Variants in EML6 observed in about 807,000 individuals in gnomAD.
EML6 encodes the protein echinoderm microtubule-associated protein-like 6.
Under a neutral mutation model 240.1 loss-of-function variants are expected in EML6, and 154 were observed. The observed-to-expected ratio is 0.64, with a 90% CI of 0.56 to 0.73. The LOEUF (loss-of-function observed/expected upper bound fraction) is 0.73, where lower values mean the gene tolerates loss of function less well. Among genes scored for constraint, EML6 ranks in the 30% least tolerant of loss-of-function variants. The probability of loss-of-function intolerance (pLI) is 0.00; values close to 1 mark genes in which losing one functional copy is unlikely to be tolerated. For synonymous variants in EML6, 1,148 were observed against 899.0 expected, an observed-to-expected ratio of 1.28 and a Z score of -4.95; for missense variants, 2,964 against 2,474.6, an observed-to-expected ratio of 1.20 and a Z score of -4.20.
intron 7 of EML6, among the ~76,000 whole-genome samples, chr2:54,840,746 AG>A (rs1669401172): frequency 6.6e-6 from 1 of 152,238 alleles, no homozygotes; most frequent in African/African-American, 2.4e-5. Context: ...TCACTGTGCC[AG>A]GTATTGAGGA....
chr2:54,860,482 A>G (rs1319155905), intron 12 of EML6, among the ~76,000 whole-genome samples: 5 of 152,068 alleles, frequency 3.3e-5, no homozygotes, highest in Non-Finnish European at 7.4e-5. Context: ...TGCAACAGGG[A>G]TTTAGAGGGG....
At chr2:54,726,433 A>G (rs1682911543) in intron 2 of EML6, among the ~76,000 whole-genome samples, 1 of 110,244 alleles carries the variant, frequency 9.1e-6, no homozygotes, top group Non-Finnish European at 1.8e-5. Context: ...TGATGTGCTT[A>G]TATTCCAGAG....
intron 2 of EML6, among the ~76,000 whole-genome samples, chr2:54,751,535 G>T (rs534340521): frequency 6.6e-6 from 1 of 152,268 alleles, no homozygotes; most frequent in Admixed American, 6.5e-5. Flanking sequence ...AGGAAGAGAA[G>T]CTTACAAAAG....
intron 17 of EML6, among the ~76,000 whole-genome samples, chr2:54,889,433 G>A (rs113938736): frequency 2.0e-5 from 3 of 151,298 alleles, no homozygotes; most frequent in African/African-American, 7.3e-5. Flanking sequence ...AAGAACATGG[G>A]ATATAGTTCT....
chr2:54,866,847 G>C lies in EML6; in HGVS notation c.2014G>C (p.Ala672Pro), dbSNP rs1434984416. The change falls in exon 14 of 42, where the codon GCT becomes CCT. Residue 672 changes from alanine (A) to proline (P), a missense_variant. Ala to Pro is a conservative substitution (Grantham distance 27). Coordinates refer to ENST00000356458, the MANE Select transcript of EML6 (RefSeq NM_001039753.4). ...AGTGCCCTTCCTCAAACGAGAAAAG[G>C]CTCCTGAGGACAGCTTGAAACTCCA... ...HAVPFLKREK[A>P]PEDSLKLQFI... 2.6e-6 allele frequency: 4 copies of C among 1,550,974 alleles called. No individual in the cohort carries two copies. The highest frequency in any genetic ancestry group is 1.4e-5 in the African/African-American group (1 of 72,994).
At chr2:54,955,193 A>G (rs1180719024) in intron 32 of EML6, among the ~76,000 whole-genome samples, 1 of 152,250 alleles carries the variant, frequency 6.6e-6, no homozygotes, top group Non-Finnish European at 1.5e-5. Context: ...CTGCACAGTC[A>G]GTATCCCAGG....
chr2:54,738,713 T>C (rs779361075), intron 2 of EML6, among the ~76,000 whole-genome samples: 19 of 152,228 alleles, frequency 1.2e-4, no homozygotes, highest in Non-Finnish European at 2.9e-5. Context: ...GTTGATGAGA[T>C]TCATTTGTGT....
intron 2 of EML6, among the ~76,000 whole-genome samples, chr2:54,775,871 G>C (rs191642455): frequency 6.6e-6 from 1 of 152,232 alleles, no homozygotes; most frequent in African/African-American, 2.4e-5. Flanking sequence ...ATATATTATT[G>C]TTGTAAATAC....
At chr2:54,830,727 A>C (rs1668827638) in intron 7 of EML6, among the ~76,000 whole-genome samples, 1 of 152,216 alleles carries the variant, frequency 6.6e-6, no homozygotes, top group Admixed American at 6.5e-5. Context: ...AACTTTGCCA[A>C]CAGTTGAGCA....
intron 5 of EML6, among the ~76,000 whole-genome samples, chr2:54,825,914 G>C (rs1668568383): frequency 6.6e-6 from 1 of 152,264 alleles, no homozygotes; most frequent in East Asian, 1.9e-4. Context: ...CTGCCATGTG[G>C]CTTCATCTCA....
rs35542865 is a variant in EML6 at position 54,752,842 on chromosome 2, G to A, written c.197+27584G>A. ...CTTACTTTGTCACCCAGGCTGGAGT[G>A]CAGTGGCACGATCACGGCTTACTGC... On this transcript the variant is annotated intron_variant, in intron 2 of 41. Coordinates refer to ENST00000356458, the MANE Select transcript of EML6 (RefSeq NM_001039753.4). Among the ~76,000 whole-genome samples, 741 of 152,280 alleles carry A rather than the reference G, an allele frequency of 4.9e-3. 8 individuals carry two copies. Among genetic ancestry groups the A allele is most frequent in the Non-Finnish European group, 7.2e-3 (493 of 68,020 alleles).
chr2:54,809,940 G>A (rs1667749149), intron 2 of EML6, among the ~76,000 whole-genome samples: 1 of 50,974 alleles, frequency 2.0e-5, no homozygotes, highest in Non-Finnish European at 4.6e-5. Context: ...GGAGTTTCTG[G>A]GAAGCCTGAT....
chr2:54,799,613 G>T (rs1057034278), intron 2 of EML6, among the ~76,000 whole-genome samples: 3 of 152,194 alleles, frequency 2.0e-5, no homozygotes, highest in Admixed American at 2.0e-4. Context: ...AAAGTGCTGG[G>T]ATTAAGGGCG....
At chr2:54,760,786 C>T (rs1667948698) in intron 2 of EML6, among the ~76,000 whole-genome samples, 2 of 150,752 alleles carry the variant, frequency 1.3e-5, no homozygotes, top group African/African-American at 4.9e-5. Context: ...ACATGAGATC[C>T]ATTCTCTCTC....
In EML6 at chr2:54,892,541, A is replaced by T. The variant is rs1319125652; in HGVS notation, c.2627A>T (p.Asp876Val). The change falls in exon 19 of 42, where the codon GAT becomes GTT. Residue 876 changes from aspartate to valine, a missense_variant. Physicochemically the swap from Asp to Val is radical, Grantham distance 152. Coordinates refer to ENST00000356458, the MANE Select transcript of EML6 (RefSeq NM_001039753.4). Reference sequence around the variant, plus strand: ...TGTGTTTCTTACGGACGAATGGAAGATCTAGTGTTCTCAGGAGCAGCTACT... The same window carrying T: ...TGTGTTTCTTACGGACGAATGGAAGTTCTAGTGTTCTCAGGAGCAGCTACT... Reference protein sequence around the residue: ...MMCVSYGRMEDLVFSGAATGD... With the variant: ...MMCVSYGRMEVLVFSGAATGD... 1.3e-6 allele frequency: 2 copies of T among 1,551,274 alleles called. No individual in the cohort carries two copies. Among genetic ancestry groups the T allele is most frequent in the Non-Finnish European group, 1.7e-6 (2 of 1,146,666 alleles).
rs1006178237 is a variant in EML6, at chr2:54,785,154, C to T, written c.198-28078C>T. 7.4e-5 allele frequency among the ~76,000 whole-genome samples: 11 copies of T among 148,266 alleles called. 1 individual carries two copies. Among genetic ancestry groups the T allele is most frequent in the Admixed American group, 2.8e-4 (4 of 14,418 alleles). On this transcript the variant is annotated intron_variant, in intron 2 of 41. Coordinates refer to ENST00000356458, the MANE Select transcript of EML6 (RefSeq NM_001039753.4). Reference sequence around the variant, plus strand: ...ACGAGAGAACTTCAAGAGATTTCCACCCCCCCACACACACACTTTTTTTTT... The same window carrying T: ...ACGAGAGAACTTCAAGAGATTTCCATCCCCCCACACACACACTTTTTTTTT...
At chr2:54,908,847 C>G (rs1176273882) in intron 24 of EML6, among the ~76,000 whole-genome samples, 1 of 152,086 alleles carries the variant, frequency 6.6e-6, no homozygotes, top group African/African-American at 2.4e-5. Flanking sequence ...GAGCCTGGCC[C>G]CTCCAGGATC....
chr2:54,820,573 A>G lies in EML6; in HGVS notation c.525+111A>G, dbSNP rs942160729. On this transcript the variant is annotated intron_variant, in intron 5 of 41. Coordinates refer to ENST00000356458, the MANE Select transcript of EML6 (RefSeq NM_001039753.4). ...CTAGACTTTACATTTTTTTTCTTCA[A>G]TATAGAGCCCTCTTACCTGTTTCTC... The G allele has an allele frequency of 4.7e-6, 3 of 638,962 alleles. No homozygotes were observed. The African/African-American group carries it at 5.5e-5, about 12-fold the overall frequency. 39.6% of individuals were successfully genotyped at this position (638,962 alleles called of 1,614,324 possible).
Position 54,861,482 on chromosome 2 carries a change from C to T in EML6, c.1825+1781C>T, listed in dbSNP as rs982391457. 1.1e-4 allele frequency among the ~76,000 whole-genome samples: 16 copies of T among 152,258 alleles called. 1 individual carries two copies. Among genetic ancestry groups the T allele is most frequent in the Admixed American group, 7.2e-4 (11 of 15,294 alleles). On this transcript the variant is annotated intron_variant, in intron 12 of 41. Transcript: ENST00000356458. ...CCTGGCTTAGTGCAGAAAAAGTGAG[C>T]GGTAAATGACTGTGCTCAGCTTCAC...
Sources: allele counts gnomAD v4.1 joint callset (sites outside exome capture counted in the v4.1 genomes callset), GRCh38; gene constraint gnomAD v4.1.1; transcripts MANE v1.5; gene names NCBI Gene and HGNC (gene_info 2026-07-23, HGNC 2026-07-21).